The following ALK variants were observed in gnomAD, a reference collection of about 807,000 sequenced individuals.
ALK encodes ALK tyrosine kinase receptor.
In ALK, 74 loss-of-function variants were observed where a neutral mutation model predicts 163.1. The ratio of observed to expected loss-of-function variants is 0.45; its 90% CI spans 0.38 to 0.55. ALK has a LOEUF of 0.55. Ranked by LOEUF, ALK falls within the 20% of genes least tolerant of loss-of-function variation. The probability of loss-of-function intolerance (pLI) is 0.00; values close to 1 mark genes in which losing one functional copy is unlikely to be tolerated. For synonymous variants in ALK, 960 were observed against 843.2 expected (o/e 1.14, Z -2.40); for missense variants, 2,063 against 2,105.3 (o/e 0.98, Z 0.39).
At chr2:29,849,203 C>T (rs184635135) in intron 1 of ALK, among the ~76,000 whole-genome samples, 8 of 152,342 alleles carry the variant, frequency 5.3e-5, no homozygotes, top group African/African-American at 1.7e-4. Context: ...CTCTGGGGAC[C>T]GCTCACTGTC....
intron 5 of ALK, among the ~76,000 whole-genome samples, chr2:29,344,631 A>G (rs1299080625): frequency 6.6e-6 from 1 of 152,250 alleles, no homozygotes; most frequent in Admixed American, 6.5e-5. Flanking sequence ...TGACCTGTCA[A>G]TGCCATGTGG....
chr2:29,876,741 GTAA>G (rs1441638866), intron 1 of ALK, among the ~76,000 whole-genome samples: 3 of 150,720 alleles, frequency 2.0e-5, no homozygotes, highest in African/African-American at 7.3e-5. Context: ...GGTGGTGATG[GTAA>G]TGATGATGGT....
At chr2:29,297,233 T>A (rs191105695) in intron 8 of ALK, among the ~76,000 whole-genome samples, 176 bp from the exon 9 acceptor site, 44 of 152,282 alleles carry the variant, frequency 2.9e-4, no homozygotes, top group African/African-American at 1.1e-3. Flanking sequence ...AGTTCAAGTA[T>A]CCCATTTCCT....
rs1270738323 is a variant in ALK, at chr2:29,920,746, C to G, written c.-87G>C. The G allele has an allele frequency of 6.4e-6, 8 of 1,240,574 alleles. No individual in the cohort carries two copies. The highest frequency in any genetic ancestry group is 5.3e-4 in the Middle Eastern group (2 of 3,796). 76.8% of individuals were successfully genotyped at this position (1,240,574 alleles called of 1,614,324 possible). ...AGATGGGAAGAGGCTCTGAACAGTC[C>G]TTGGTACCCAGCGGCTCCTTCCACC... is the stretch of plus-strand genomic sequence containing the variant. On this transcript the variant is annotated 5_prime_UTR_variant, in exon 1 of 29. Coordinates refer to ENST00000389048, the MANE Select transcript of ALK (RefSeq NM_004304.5).
At chr2:29,717,170 T>TGAAAA (rs1679283661) in intron 2 of ALK, among the ~76,000 whole-genome samples, 1 of 11,660 alleles carries the variant, frequency 8.6e-5, no homozygotes. Context: ...AGACTCTGTC[T>TGAAAA]CAAAAAAAAA....
intron 8 of ALK, among the ~76,000 whole-genome samples, chr2:29,308,106 C>T (rs1436225040): frequency 1.3e-5 from 2 of 150,356 alleles, no homozygotes; most frequent in African/African-American, 4.9e-5. Flanking sequence ...GAATATCTGA[C>T]TTTTGATAAC....
chr2:29,563,678 C>T (rs746129089), intron 3 of ALK, among the ~76,000 whole-genome samples: 5 of 152,190 alleles, frequency 3.3e-5, no homozygotes, highest in African/African-American at 7.2e-5. Context: ...CAACTCTCAC[C>T]ATCTGCGATG....
chr2:29,296,962 G>C lies in ALK; in HGVS notation c.1743C>G (p.Val581=), dbSNP rs1666203159. The C allele has an allele frequency of 1.2e-6, 2 of 1,614,206 alleles. No homozygotes were observed. The highest frequency in any genetic ancestry group is 1.3e-5 in the African/African-American group (1 of 75,068). The change falls in exon 9 of 29, where the codon GTC becomes GTG. Residue 581 remains valine, a synonymous_variant. Transcript: ENST00000389048. ...NKTGKEQGRM[V]WHVAAYEGLS... is the part of the protein sequence containing the mutation. ...AGCCTTCATAGGCGGCGACATGCCA[G>C]ACCATCCTGCCTTGCTCCTTCCCGG...
intron 9 of ALK, among the ~76,000 whole-genome samples, chr2:29,288,353 A>G (rs915900629): frequency 1.3e-5 from 2 of 152,158 alleles, no homozygotes; most frequent in Admixed American, 6.5e-5. Context: ...GGTCCTGACC[A>G]CACACCCATA....
chr2:29,575,509 T>C (rs1674498841), intron 3 of ALK, among the ~76,000 whole-genome samples: 1 of 152,226 alleles, frequency 6.6e-6, no homozygotes, highest in Non-Finnish European at 1.5e-5. Flanking sequence ...TTTGCTAGAA[T>C]GAGACAGAAT....
At chr2:29,241,424 C>T (rs554933687) in intron 12 of ALK, among the ~76,000 whole-genome samples, 8 of 151,886 alleles carry the variant, frequency 5.3e-5, no homozygotes, top group Admixed American at 3.3e-4. Context: ...GGTGAAAGCC[C>T]CGGGGAAGCT....
At chr2:29,651,986 T>A (rs948477430) in intron 3 of ALK, among the ~76,000 whole-genome samples, 2 of 152,088 alleles carry the variant, frequency 1.3e-5, no homozygotes. Flanking sequence ...TCAAGATAAT[T>A]TACAGAGTGT....
At chr2:29,475,190 G>A (rs1220826866) in intron 4 of ALK, among the ~76,000 whole-genome samples, 1 of 152,004 alleles carries the variant, frequency 6.6e-6, no homozygotes, top group African/African-American at 2.4e-5. Flanking sequence ...CGAGGTCAGA[G>A]GCCCTGTAGC....
intron 11 of ALK, among the ~76,000 whole-genome samples, chr2:29,270,656 A>T (rs1034628321): frequency 5.9e-5 from 9 of 152,192 alleles, no homozygotes; most frequent in Admixed American, 2.0e-4. Context: ...GGGGACCCAG[A>T]TGCTGATGAT....
At chr2:29,705,282 A>ATATAT (rs1558451342) in intron 2 of ALK, among the ~76,000 whole-genome samples, 1,333 of 33,904 alleles carry the variant, frequency 0.039, 225 homozygotes, top group East Asian at 0.046. Context: ...TATATATATA[A>ATATAT]ATATATATCT....
chr2:29,287,817 G>T (rs1665900229), intron 9 of ALK, among the ~76,000 whole-genome samples: 1 of 151,752 alleles, frequency 6.6e-6, no homozygotes, highest in South Asian at 2.1e-4. Flanking sequence ...GAAGGAAAAG[G>T]GTGGAAGGGG....
At chr2:29,736,123 AT>A (rs1237059360) in intron 1 of ALK, among the ~76,000 whole-genome samples, 2 of 152,088 alleles carry the variant, frequency 1.3e-5, no homozygotes, top group Non-Finnish European at 2.9e-5. Flanking sequence ...TATGTAGTTC[AT>A]TTCCATGATG....
intron 1 of ALK, among the ~76,000 whole-genome samples, chr2:29,746,660 A>C (rs1680214514): frequency 6.6e-6 from 1 of 152,104 alleles, no homozygotes; most frequent in East Asian, 1.9e-4. Context: ...TTAATGAGAA[A>C]CCTGACATTT....
chr2:29,471,702 T>C (rs1671350426), intron 4 of ALK, among the ~76,000 whole-genome samples: 1 of 151,836 alleles, frequency 6.6e-6, no homozygotes, highest in African/African-American at 2.4e-5. Context: ...ACTTGCAGAG[T>C]AGAATGCAGT....
Sources: gnomAD v4.1 joint callset for allele counts (sites outside exome capture counted in the v4.1 genomes callset) on GRCh38, gnomAD v4.1.1 for gene constraint, MANE v1.5 for transcripts, NCBI Gene and HGNC (gene_info 2026-07-23, HGNC 2026-07-21) for gene names.